EPHA3: variants seen among roughly 807,000 people sequenced by gnomAD.
EPHA3 encodes ephrin type-A receptor 3.
A neutral mutation model predicts 107.1 loss-of-function variants in EPHA3; 42 were observed. That is an observed-to-expected ratio of 0.39 (90% CI 0.31 to 0.51). EPHA3 has a LOEUF of 0.51. EPHA3 is among the 20% of genes least tolerant of loss of function. The pLI is 0.78. For synonymous variants in EPHA3, 461 were observed against 424.8 expected (o/e 1.09, Z -1.05); for missense variants, 1,183 against 1,211.2 (o/e 0.98, Z 0.35).
chr3:89,238,481 G>C (rs1238718603), intron 3 of EPHA3, among the ~76,000 whole-genome samples: 8 of 152,170 alleles, frequency 5.3e-5, no homozygotes, highest in Non-Finnish European at 8.8e-5. Context: ...TGCCTCTGCT[G>C]TTAGAACCAC....
At chr3:89,373,412 G>C (rs185538044) in intron 5 of EPHA3, among the ~76,000 whole-genome samples, 1 of 151,772 alleles carries the variant, frequency 6.6e-6, no homozygotes, top group Non-Finnish European at 1.5e-5. Flanking sequence ...ATATATTTCT[G>C]CATCATTTTC....
chr3:89,245,978 A>T (rs1203620387), intron 3 of EPHA3, among the ~76,000 whole-genome samples: 5 of 152,326 alleles, frequency 3.3e-5, no homozygotes, highest in African/African-American at 1.2e-4. Context: ...TTAGATCCAC[A>T]GTTGGGTTTT....
intron 3 of EPHA3, among the ~76,000 whole-genome samples, chr3:89,306,308 T>C (rs1324014441): frequency 2.0e-5 from 3 of 152,136 alleles, no homozygotes; most frequent in Non-Finnish European, 4.4e-5. Flanking sequence ...ATGTTCTTAA[T>C]TACTACGCCC....
At position 89,479,687 on chromosome 3, in the gene EPHA3, G is replaced by T; in HGVS notation, c.*185G>T. ...CTTTATTTTCCCCTATCATTTATTGGATGGGTGGGTGGGGTATTTTTTTGT... is the reference window on the plus strand; with the variant it reads ...CTTTATTTTCCCCTATCATTTATTGTATGGGTGGGTGGGGTATTTTTTTGT... On this transcript the variant is annotated 3_prime_UTR_variant, in exon 17 of 17. Transcript: ENST00000336596. 1.9e-6 allele frequency: 1 copy of T among 524,294 alleles called. No individual in the cohort carries two copies. Among genetic ancestry groups the T allele is most frequent in the Non-Finnish European group, 3.4e-6 (1 of 293,564 alleles). 32.5% of individuals were successfully genotyped at this position (524,294 alleles called of 1,614,324 possible). A position where few individuals can be genotyped will look rare whatever the true frequency, so the allele number is the denominator to read the frequency against.
rs1707185226 is a variant in EPHA3, at chr3:89,327,175, A to G, written c.815-13741A>G. On this transcript the variant is annotated intron_variant, in intron 3 of 16. Coordinates refer to ENST00000336596, the MANE Select transcript of EPHA3 (RefSeq NM_005233.6). ...AACACATGTAGAATGTGCTTTCTAC[A>G]TGTGTTTTATGAAAACATGATTATA... 2.0e-5 allele frequency among the ~76,000 whole-genome samples: 3 copies of G among 152,284 alleles called. No homozygotes were observed. The East Asian group carries it at 5.8e-4, about 30-fold the overall frequency.
At chr3:89,423,946 C>A (rs1474976007) in intron 11 of EPHA3, among the ~76,000 whole-genome samples, 2 of 151,220 alleles carry the variant, frequency 1.3e-5, no homozygotes, top group African/African-American at 2.4e-5. Flanking sequence ...AGTAAATCTC[C>A]TAGAGAAAGA....
At chr3:89,365,205 GT>G (rs1425060250) in intron 5 of EPHA3, among the ~76,000 whole-genome samples, 2 of 150,736 alleles carry the variant, frequency 1.3e-5, no homozygotes, top group South Asian at 2.1e-4. Context: ...GTAAAGAAGG[GT>G]TTAACAGGAG....
intron 2 of EPHA3, among the ~76,000 whole-genome samples, chr3:89,202,795 T>C (rs1706004302): frequency 6.6e-6 from 1 of 152,030 alleles, no homozygotes; most frequent in South Asian, 2.1e-4. Flanking sequence ...TATAAATATG[T>C]GATTGAAAGT....
intron 8 of EPHA3, 78 bp from the exon 9 acceptor site, chr3:89,407,989 G>T: frequency 7.7e-7 from 1 of 1,304,884 alleles, no homozygotes; most frequent in Non-Finnish European, 1.1e-6. Context: ...TTATTTTTAT[G>T]CTTTGCACAT....
At chr3:89,322,770 A>G (rs1182995732) in intron 3 of EPHA3, among the ~76,000 whole-genome samples, 5 of 152,264 alleles carry the variant, frequency 3.3e-5, no homozygotes, top group East Asian at 3.9e-4. Flanking sequence ...TTTACCAGCA[A>G]GTACAAAGAT....
intron 3 of EPHA3, among the ~76,000 whole-genome samples, chr3:89,303,430 A>G (rs1305833291): frequency 6.9e-6 from 1 of 145,082 alleles, no homozygotes; most frequent in Non-Finnish European, 1.5e-5. Context: ...GCAAAACCTG[A>G]TATCTATAAA....
intron 3 of EPHA3, among the ~76,000 whole-genome samples, chr3:89,211,710 C>T (rs1411344993): frequency 6.6e-5 from 10 of 150,976 alleles, no homozygotes; most frequent in Non-Finnish European, 1.5e-5. Context: ...CCCTCTTCCT[C>T]TTCCTCTTCT....
In EPHA3 at chr3:89,479,397, T is replaced by C. The variant is rs2107581386; in HGVS notation, c.2847T>C (p.Asp949=). The change falls in exon 17 of 17, where the codon GAT becomes GAC. Residue 949 remains aspartate (D), a splice_region_variant and synonymous_variant. Coordinates refer to ENST00000336596, the MANE Select transcript of EPHA3 (RefSeq NM_005233.6). The part of the protein sequence containing the change: ...SCDTIAKIST[D]DMKKVGVTVV... Reference sequence around the variant, plus strand: ...CTTATATTGTTTTCTTTTTTTACAGTGACATGAAAAAGGTTGGTGTCACCG... The same window carrying C: ...CTTATATTGTTTTCTTTTTTTACAGCGACATGAAAAAGGTTGGTGTCACCG... 1.2e-6 allele frequency: 2 copies of C among 1,612,962 alleles called. No individual in the cohort carries two copies. The highest frequency in any genetic ancestry group is 1.1e-5 in the South Asian group (1 of 91,060).
At chr3:89,173,701 G>A (rs2107103210) in intron 2 of EPHA3, among the ~76,000 whole-genome samples, 1 of 152,086 alleles carries the variant, frequency 6.6e-6, no homozygotes, top group South Asian at 2.1e-4. Flanking sequence ...CAGCTTCACT[G>A]TATTTTTCCT....
chr3:89,436,850 C>G lies in EPHA3; in HGVS notation c.2346+5491C>G, dbSNP rs528549805. 2.6e-5 allele frequency among the ~76,000 whole-genome samples: 4 copies of G among 152,234 alleles called. No homozygotes were observed. The East Asian group carries it at 7.7e-4, about 29-fold the overall frequency. On this transcript the variant is annotated intron_variant, in intron 13 of 16. Transcript: ENST00000336596. Reference sequence around the variant, plus strand: ...TATGAAAGGGTCAGCTAAGATAGTACTATACATTTTTATGTTTATTTTCTC... The same window carrying G: ...TATGAAAGGGTCAGCTAAGATAGTAGTATACATTTTTATGTTTATTTTCTC...
intron 11 of EPHA3, among the ~76,000 whole-genome samples, chr3:89,422,594 G>A (rs965292529): frequency 6.6e-6 from 1 of 151,304 alleles, no homozygotes; most frequent in African/African-American, 2.4e-5. Context: ...AAGATCAAAT[G>A]AGATTACATA....
chr3:89,267,567 A>G (rs1468652400), intron 3 of EPHA3, among the ~76,000 whole-genome samples: 5 of 152,158 alleles, frequency 3.3e-5, no homozygotes, highest in African/African-American at 1.2e-4. Context: ...GTGTTTCTAA[A>G]TGAACATTAA....
chr3:89,168,647 A>C (rs1197205848), intron 2 of EPHA3, among the ~76,000 whole-genome samples: 1 of 152,080 alleles, frequency 6.6e-6, no homozygotes, highest in Non-Finnish European at 1.5e-5. Context: ...GAAAAATAAT[A>C]CAGATAATTA....
intron 3 of EPHA3, among the ~76,000 whole-genome samples, chr3:89,299,878 A>T (rs555294795): frequency 6.6e-6 from 1 of 152,184 alleles, no homozygotes; most frequent in Non-Finnish European, 1.5e-5. Context: ...GTAAGTAACG[A>T]CTACTCTCAC....
Sources: gnomAD v4.1 joint callset for allele counts (sites outside exome capture counted in the v4.1 genomes callset) on GRCh38, gnomAD v4.1.1 for gene constraint, MANE v1.5 for transcripts, NCBI Gene and HGNC (gene_info 2026-07-23, HGNC 2026-07-21) for gene names.